The following ARHGEF4 variants were observed in gnomAD, a reference collection of about 807,000 sequenced individuals.
The protein encoded by ARHGEF4 is Rho guanine nucleotide exchange factor 4, also known as APC-stimulated guanine nucleotide exchange factor 1.
Under a neutral mutation model 162.0 loss-of-function variants are expected in ARHGEF4, and 119 were observed. The ratio of observed to expected loss-of-function variants is 0.73; its 90% confidence interval spans 0.63 to 0.86. The LOEUF is 0.86. Among genes scored for constraint, ARHGEF4 ranks in the 40% least tolerant of loss-of-function variants. The pLI is 0.00. For missense variants in ARHGEF4, 2,488 were observed against 2,456.0 expected (o/e 1.01, Z -0.28); for synonymous variants, 1,014 against 979.9 (o/e 1.03, Z -0.65).
intron 4 of ARHGEF4, among the ~76,000 whole-genome samples, chr2:130,995,125 C>A (rs1001927040): frequency 1.4e-4 from 21 of 152,220 alleles, no homozygotes; most frequent in Non-Finnish European, 5.9e-5. Context: ...TTGCTTCCAG[C>A]ATTCCCTCTG....
intron 4 of ARHGEF4, among the ~76,000 whole-genome samples, chr2:131,019,644 G>GTT (rs70994732): frequency 2.4e-3 from 368 of 150,948 alleles, no homozygotes; most frequent in African/African-American, 8.6e-3. Context: ...TTTTGTTTTT[G>GTT]TTTTTTTGAG....
chr2:130,943,388 T>C (rs1001271705), intron 3 of ARHGEF4, among the ~76,000 whole-genome samples: 50 of 152,308 alleles, frequency 3.3e-4, no homozygotes, highest in African/African-American at 1.2e-3. Flanking sequence ...AGATGTTCTT[T>C]CCTTAATTAT....
intron 1 of ARHGEF4, among the ~76,000 whole-genome samples, chr2:130,850,160 A>G (rs1349245977): frequency 2.0e-5 from 3 of 152,122 alleles, no homozygotes; most frequent in African/African-American, 4.8e-5. Flanking sequence ...GGGCATCCTC[A>G]GAGGGACTCA....
At chr2:130,979,254 TA>T (rs1180859669) in intron 4 of ARHGEF4, among the ~76,000 whole-genome samples, 1 of 152,188 alleles carries the variant, frequency 6.6e-6, no homozygotes, top group East Asian at 1.9e-4. Flanking sequence ...CATATAATCC[TA>T]GAACCCATGT....
At chr2:130,840,868 C>T (rs999927586) in intron 1 of ARHGEF4, among the ~76,000 whole-genome samples, 1 of 152,164 alleles carries the variant, frequency 6.6e-6, no homozygotes, top group Non-Finnish European at 1.5e-5. Context: ...GGAAGATTCA[C>T]GGCATATACC....
chr2:130,919,465 A>G (rs536184182), intron 2 of ARHGEF4, among the ~76,000 whole-genome samples: 1 of 152,316 alleles, frequency 6.6e-6, no homozygotes, highest in Admixed American at 6.5e-5. Context: ...TGATCACCTG[A>G]AAATACATAG....
At chr2:130,999,743 C>T (rs1329874793) in intron 4 of ARHGEF4, among the ~76,000 whole-genome samples, 3 of 152,146 alleles carry the variant, frequency 2.0e-5, no homozygotes, top group East Asian at 3.9e-4. Context: ...GCTCTTGTCG[C>T]CCAGGCTGGA....
At chr2:130,999,900 C>T (rs1374589729) in intron 4 of ARHGEF4, among the ~76,000 whole-genome samples, 2 of 152,166 alleles carry the variant, frequency 1.3e-5, no homozygotes, top group African/African-American at 4.8e-5. Context: ...TTAGTAGAGG[C>T]AGGGTTTCAC....
At chr2:130,837,494 A>G (rs1053095419) in intron 1 of ARHGEF4, 3 of 361,670 alleles carry the variant, frequency 8.3e-6, no homozygotes, top group Non-Finnish European at 1.6e-5. Flanking sequence ...CAGCAGCGGC[A>G]AGGGGCTGGA....
intron 3 of ARHGEF4, among the ~76,000 whole-genome samples, chr2:130,940,561 C>T (rs1487212833): frequency 6.6e-6 from 1 of 151,232 alleles, no homozygotes; most frequent in Non-Finnish European, 1.5e-5. Flanking sequence ...ATGGAGTAGG[C>T]CGGGCGCGGT....
chr2:130,999,215 G>T (rs186354962), intron 4 of ARHGEF4, among the ~76,000 whole-genome samples: 55 of 148,724 alleles, frequency 3.7e-4, no homozygotes, highest in African/African-American at 1.3e-3. Flanking sequence ...CTGGAGTGCA[G>T]TGGCGCGATC....
chr2:131,021,002 T>G (rs1689089947), intron 4 of ARHGEF4, among the ~76,000 whole-genome samples: 1 of 152,232 alleles, frequency 6.6e-6, no homozygotes, highest in African/African-American at 2.4e-5. Context: ...GAGAAGTGTC[T>G]GTTCATATCC....
At chr2:131,029,839 C>A (rs547549560) in intron 5 of ARHGEF4, among the ~76,000 whole-genome samples, 7 of 152,362 alleles carry the variant, frequency 4.6e-5, no homozygotes, top group Admixed American at 3.3e-4. Context: ...CAAGCGTAAG[C>A]CACCACACTC....
At position 131,046,030 on chromosome 2, in the gene ARHGEF4, C is replaced by T; in HGVS notation, c.5480-8C>T. The T allele has an allele frequency of 6.2e-7, 1 of 1,608,832 alleles. No homozygotes were observed. The highest frequency in any genetic ancestry group is 1.3e-5 in the African/African-American group (1 of 75,024). ...ACCCATGACCCTCTGCTGTCTCTCC[C>T]TGTTCAGCTGTTGGCCGGCCCTGCT... is the stretch of plus-strand genomic sequence containing the variant. On this transcript the variant is annotated splice_region_variant and splice_polypyrimidine_tract_variant and intron_variant, in intron 13 of 13. Coordinates refer to ENST00000409359, the MANE Select transcript of ARHGEF4 (RefSeq NM_001367493.1).
intron 1 of ARHGEF4, among the ~76,000 whole-genome samples, chr2:130,839,394 C>T (rs1432413745): frequency 1.3e-5 from 2 of 152,186 alleles, no homozygotes; most frequent in African/African-American, 4.8e-5. Context: ...GTCTGGGTCT[C>T]CCAGTCAGAC....
intron 1 of ARHGEF4, among the ~76,000 whole-genome samples, chr2:130,905,245 T>C (rs1197127271): frequency 6.6e-6 from 1 of 152,240 alleles, no homozygotes; most frequent in Admixed American, 6.5e-5. Flanking sequence ...TGTTTAATTT[T>C]CCATTTTGTG....
chr2:130,844,300 G>A (rs928930263), intron 1 of ARHGEF4, among the ~76,000 whole-genome samples: 4 of 152,204 alleles, frequency 2.6e-5, no homozygotes, highest in African/African-American at 7.2e-5. Flanking sequence ...CCTGGCTCCG[G>A]GACCCTCCAC....
At chr2:131,031,677 A>G (rs1689860440) in intron 5 of ARHGEF4, among the ~76,000 whole-genome samples, 1 of 152,186 alleles carries the variant, frequency 6.6e-6, no homozygotes, top group African/African-American at 2.4e-5. Flanking sequence ...CAAATTAAGG[A>G]ATGCAGACGC....
At chr2:131,045,554 G>A (rs1476880984) in intron 13 of ARHGEF4, 108 bp downstream of exon 13, 1 of 1,609,666 alleles carries the variant, frequency 6.2e-7, no homozygotes, top group Admixed American at 1.7e-5. Flanking sequence ...AGGCCTGAGG[G>A]GGGCCCACTG....
Sources: allele counts gnomAD v4.1 joint callset (sites outside exome capture counted in the v4.1 genomes callset), GRCh38; gene constraint gnomAD v4.1.1; transcripts MANE v1.5; gene names NCBI Gene and HGNC (gene_info 2026-07-23, HGNC 2026-07-21).